The following CHRNA7 variants were observed in gnomAD, a reference collection of about 807,000 sequenced individuals.
The protein encoded by CHRNA7 is cholinergic receptor nicotinic alpha 7 subunit.
CHRNA7 carries 17 observed loss-of-function variants against 48.0 expected under a neutral mutation model. The ratio of observed to expected loss-of-function variants is 0.35; its 90% CI spans 0.24 to 0.53. The LOEUF is 0.53. CHRNA7 is among the 20% of genes least tolerant of loss of function. The pLI, the probability that CHRNA7 is intolerant of heterozygous loss-of-function variation, is 0.92. For synonymous variants in CHRNA7, 75 were observed against 242.3 expected (o/e 0.31, Z 6.41); for missense variants, 155 against 577.7 (o/e 0.27, Z 7.50).
chr15:32,151,299 T>G (rs1020171945), intron 4 of CHRNA7, among the ~76,000 whole-genome samples: 4 of 152,168 alleles, frequency 2.6e-5, no homozygotes, highest in Non-Finnish European at 5.9e-5. Context: ...TTTCTAGGCC[T>G]CCTGCTCAAG....
At chr15:32,116,878 G>A (rs1193540423) in intron 4 of CHRNA7, among the ~76,000 whole-genome samples, 1 of 152,256 alleles carries the variant, frequency 6.6e-6, no homozygotes, top group Admixed American at 6.5e-5. Flanking sequence ...AGTGTGCAAA[G>A]CTGCATTTGT....
At chr15:32,038,261 C>T (rs553155947) in intron 2 of CHRNA7, among the ~76,000 whole-genome samples, 1 of 150,424 alleles carries the variant, frequency 6.6e-6, no homozygotes, top group South Asian at 2.1e-4. Flanking sequence ...AAAAAACCTA[C>T]AGCTAACATC....
intron 6 of CHRNA7, 123 bp from the exon 7 acceptor site, chr15:32,158,289 C>CCTTTTT: frequency 1.9e-6 from 1 of 522,138 alleles, no homozygotes. Flanking sequence ...CAACCCCCCC[C>CCTTTTT]TTTTTTTTTT....
rs76556416 is a variant in CHRNA7, at chr15:32,094,215, T to C, written c.196-7088T>C. On this transcript the variant is annotated intron_variant, in intron 2 of 9. Transcript: ENST00000306901. ...GGCTAGCTGGTGGATGAGGCCAGGATCCAAGGCTTGAAGGAAGTCAGGTTG... is the reference window on the plus strand; with the variant it reads ...GGCTAGCTGGTGGATGAGGCCAGGACCCAAGGCTTGAAGGAAGTCAGGTTG... Among the ~76,000 whole-genome samples the C allele has an allele frequency of 4.7e-3, 712 of 152,306 alleles. 5 individuals are homozygous for C. The highest frequency in any genetic ancestry group is 0.016 in the African/African-American group (680 of 41,574).
intron 4 of CHRNA7, among the ~76,000 whole-genome samples, chr15:32,150,244 G>C (rs2051596134): frequency 6.6e-6 from 1 of 152,050 alleles, no homozygotes; most frequent in African/African-American, 2.4e-5. Context: ...TTTTTGTAGA[G>C]ATGGGGTCTT....
intron 4 of CHRNA7, among the ~76,000 whole-genome samples, chr15:32,126,975 C>T (rs2051077275): frequency 6.6e-6 from 1 of 152,114 alleles, no homozygotes; most frequent in African/African-American, 2.4e-5. Context: ...TGTATTGATT[C>T]ATGTAGCCAC....
chr15:32,032,355 G>A (rs1416301951), intron 2 of CHRNA7, among the ~76,000 whole-genome samples: 1 of 152,152 alleles, frequency 6.6e-6, no homozygotes, highest in Non-Finnish European at 1.5e-5. Flanking sequence ...TTGTACTTGG[G>A]ATCTTCGGTG....
At position 32,031,055 on chromosome 15, in the gene CHRNA7, A is replaced by T. The variant is rs777062479; in HGVS notation, c.195+18A>T. 6.8e-6 allele frequency: 11 copies of T among 1,613,750 alleles called. No homozygotes were observed. In the Admixed American group the frequency reaches 1.7e-4, roughly 24 times the overall value. ...TGGACGTGGTGAGTCCCGCCTGGCTACAGGGCTGCCCTCTCCCCTTCCTGG... is the reference window on the plus strand; with the variant it reads ...TGGACGTGGTGAGTCCCGCCTGGCTTCAGGGCTGCCCTCTCCCCTTCCTGG... On this transcript the variant is annotated intron_variant, in intron 2 of 9. Transcript: ENST00000306901.
intron 3 of CHRNA7, among the ~76,000 whole-genome samples, chr15:32,108,242 T>G (rs2050704089): frequency 6.6e-6 from 1 of 151,954 alleles, no homozygotes; most frequent in South Asian, 2.1e-4. Flanking sequence ...AATGGCCCCT[T>G]CCTCCCTTCC....
intron 4 of CHRNA7, among the ~76,000 whole-genome samples, chr15:32,133,515 G>A (rs1036355956): frequency 1.3e-5 from 2 of 152,150 alleles, no homozygotes; most frequent in Middle Eastern, 3.2e-3. Flanking sequence ...CTGCCCTCTT[G>A]CCCTGTACGA....
At chr15:32,067,378 A>G (rs1480693662) in intron 2 of CHRNA7, among the ~76,000 whole-genome samples, 1 of 152,250 alleles carries the variant, frequency 6.6e-6, no homozygotes, top group Non-Finnish European at 1.5e-5. Context: ...GGATATTTTC[A>G]AAGTGCTGGA....
At chr15:32,075,048 C>A (rs2050116402) in intron 2 of CHRNA7, among the ~76,000 whole-genome samples, 1 of 152,086 alleles carries the variant, frequency 6.6e-6, no homozygotes, top group African/African-American at 2.4e-5. Flanking sequence ...ATTAAACCAG[C>A]CTTAAATCCC....
chr15:32,044,121 G>T (rs1171996669), intron 2 of CHRNA7, among the ~76,000 whole-genome samples: 1 of 152,110 alleles, frequency 6.6e-6, no homozygotes, highest in African/African-American at 2.4e-5. Flanking sequence ...ATTTTTAACA[G>T]TTTTGCTATG....
At chr15:32,038,058 A>G (rs191080670) in intron 2 of CHRNA7, among the ~76,000 whole-genome samples, 2,153 of 146,004 alleles carry the variant, frequency 0.015, 55 homozygotes, top group African/African-American at 0.052. Context: ...TTGGATATGT[A>G]TATATATATA....
At chr15:32,080,071 A>G (rs539601598) in intron 2 of CHRNA7, among the ~76,000 whole-genome samples, 2 of 152,194 alleles carry the variant, frequency 1.3e-5, no homozygotes, top group Non-Finnish European at 2.9e-5. Flanking sequence ...TATTTAATAA[A>G]TGGTGCTAGG....
chr15:32,064,186 C>T (rs538511158), intron 2 of CHRNA7, among the ~76,000 whole-genome samples: 11 of 152,196 alleles, frequency 7.2e-5, no homozygotes, highest in Non-Finnish European at 1.6e-4. Flanking sequence ...AATGCCGTTG[C>T]TCTGTTATAG....
chr15:32,031,099 G>T, intron 2 of CHRNA7, 62 bp downstream of exon 2: 3 of 1,599,948 alleles, frequency 1.9e-6, no homozygotes, highest in South Asian at 2.2e-5. Context: ...GGGCTTTTTA[G>T]ACAGCGTCGG....
At chr15:32,147,937 G>A (rs1029942861) in intron 4 of CHRNA7, among the ~76,000 whole-genome samples, 2 of 152,158 alleles carry the variant, frequency 1.3e-5, no homozygotes, top group Non-Finnish European at 2.9e-5. Flanking sequence ...TTGGGGAATT[G>A]GCAGCTTTTT....
intron 4 of CHRNA7, among the ~76,000 whole-genome samples, chr15:32,113,681 G>A (rs1200941843): frequency 2.0e-5 from 3 of 152,220 alleles, no homozygotes; most frequent in Middle Eastern, 3.4e-3. Context: ...AGGCAGTTGT[G>A]TGTTTACAGG....
Sources: gnomAD v4.1 joint callset for allele counts (sites outside exome capture counted in the v4.1 genomes callset) on GRCh38, gnomAD v4.1.1 for gene constraint, MANE v1.5 for transcripts, NCBI Gene and HGNC (gene_info 2026-07-23, HGNC 2026-07-21) for gene names.